EXOC4: variants seen among roughly 807,000 people sequenced by gnomAD.
EXOC4 encodes the protein exocyst complex component 4.
EXOC4 carries 71 observed loss-of-function variants against 107.2 expected under a neutral mutation model. That is an observed-to-expected ratio of 0.66 (90% CI 0.55 to 0.81). The LOEUF is 0.81. Ranked by LOEUF, EXOC4 falls within the 30% of genes least tolerant of loss-of-function variation. The pLI is 0.00. For synonymous variants in EXOC4, 456 were observed against 441.2 expected (o/e 1.03, Z -0.42); for missense variants, 1,108 against 1,189.6 (o/e 0.93, Z 1.01).
intron 9 of EXOC4, among the ~76,000 whole-genome samples, chr7:133,577,824 G>C (rs1014055906): frequency 1.3e-5 from 2 of 152,090 alleles, no homozygotes; most frequent in African/African-American, 4.8e-5. Flanking sequence ...TGGTAGTTTT[G>C]TTTGACATAT....
intron 1 of EXOC4, among the ~76,000 whole-genome samples, chr7:133,273,322 T>C (rs1793917971): frequency 6.6e-6 from 1 of 152,212 alleles, no homozygotes; most frequent in Non-Finnish European, 1.5e-5. Context: ...TTTACTTTAA[T>C]AGTCAAACAC....
chr7:133,850,683 C>T (rs375226318), intron 11 of EXOC4, among the ~76,000 whole-genome samples: 1 of 151,550 alleles, frequency 6.6e-6, no homozygotes, highest in South Asian at 2.1e-4. Context: ...TTATATCACT[C>T]CAACAGATGG....
chr7:133,516,159 T>C (rs560347620), intron 9 of EXOC4, among the ~76,000 whole-genome samples: 7 of 152,308 alleles, frequency 4.6e-5, no homozygotes, highest in African/African-American at 1.4e-4. Flanking sequence ...CTTTTTTGTT[T>C]TGTTATTTTG....
chr7:133,537,242 C>A (rs1800287836), intron 9 of EXOC4, among the ~76,000 whole-genome samples: 1 of 151,808 alleles, frequency 6.6e-6, no homozygotes, highest in Non-Finnish European at 1.5e-5. Context: ...CCTCCGCCTC[C>A]CAGGTTCAAG....
At chr7:133,505,578 T>C (rs1241218192) in intron 9 of EXOC4, among the ~76,000 whole-genome samples, 4 of 152,274 alleles carry the variant, frequency 2.6e-5, no homozygotes, top group African/African-American at 9.6e-5. Context: ...CTTCTCTTTG[T>C]ATATTATATG....
intron 9 of EXOC4, among the ~76,000 whole-genome samples, chr7:133,495,208 C>T (rs145529617): frequency 1.3e-5 from 2 of 151,718 alleles, no homozygotes; most frequent in South Asian, 2.1e-4. Context: ...GCTGAGATCA[C>T]GCCATTGCAC....
chr7:133,367,743 C>T (rs1051988530), intron 6 of EXOC4, among the ~76,000 whole-genome samples: 1 of 152,184 alleles, frequency 6.6e-6, no homozygotes, highest in Non-Finnish European at 1.5e-5. Flanking sequence ...GTAGTACCTT[C>T]CTTATAGGGC....
chr7:133,479,603 G>C (rs1799104924), intron 8 of EXOC4: 2 of 165,132 alleles, frequency 1.2e-5, no homozygotes, highest in African/African-American at 4.7e-5. Flanking sequence ...TCTACCTGTG[G>C]AAGTTAGGCA....
chr7:133,807,978 A>T (rs1443670751), intron 10 of EXOC4, among the ~76,000 whole-genome samples: 1 of 152,148 alleles, frequency 6.6e-6, no homozygotes, highest in Non-Finnish European at 1.5e-5. Context: ...CAAATTTTGT[A>T]GATAATATTC....
intron 17 of EXOC4, among the ~76,000 whole-genome samples, chr7:134,050,309 A>G (rs1168197017): frequency 2.6e-5 from 4 of 152,200 alleles, no homozygotes; most frequent in African/African-American, 9.6e-5. Context: ...CTTTATAAAT[A>G]TTAACTTGCT....
intron 7 of EXOC4, among the ~76,000 whole-genome samples, chr7:133,416,875 G>C (rs1216779644): frequency 1.3e-5 from 2 of 152,096 alleles, no homozygotes; most frequent in Non-Finnish European, 2.9e-5. Flanking sequence ...CCCTCCTGTT[G>C]GTAGGAAGAG....
intron 9 of EXOC4, among the ~76,000 whole-genome samples, chr7:133,531,699 G>C (rs1047879249): frequency 6.6e-6 from 1 of 152,066 alleles, no homozygotes; most frequent in Admixed American, 6.6e-5. Context: ...ATCCTCCTTG[G>C]ATTTGTGATT....
At chr7:133,513,099 C>T (rs920747158) in intron 9 of EXOC4, among the ~76,000 whole-genome samples, 5 of 152,208 alleles carry the variant, frequency 3.3e-5, no homozygotes, top group African/African-American at 1.2e-4. Flanking sequence ...AGCAAGACTT[C>T]ATCTCAAAAA....
chr7:133,669,516 G>A (rs1793898334), intron 10 of EXOC4, among the ~76,000 whole-genome samples: 2 of 152,172 alleles, frequency 1.3e-5, no homozygotes, highest in African/African-American at 4.8e-5. Flanking sequence ...GTTTAGAATG[G>A]AAACTTTTTA....
At chr7:133,268,178 A>G (rs576330002) in intron 1 of EXOC4, among the ~76,000 whole-genome samples, 13 of 152,354 alleles carry the variant, frequency 8.5e-5, no homozygotes, top group African/African-American at 2.4e-4. Flanking sequence ...AAACAGACCC[A>G]GAAAAGTTAA....
rs34768347 is a variant in EXOC4, at chr7:133,759,144, ATT to A, written c.1515-58164_1515-58163del. Among the ~76,000 whole-genome samples the A allele has an allele frequency of 1.3e-3, 182 of 140,632 alleles. 1 individual carries two copies. The highest frequency in any genetic ancestry group is 3.9e-3 in the African/African-American group (149 of 37,906). The allele number at this position is 140,632 out of a possible 152,430, so 92.3% of individuals were successfully genotyped here. On this transcript the variant is annotated intron_variant, in intron 10 of 17. Transcript: ENST00000253861. ...AACAAACAAACAAACCAACAAAAGA[ATT>A]TTTTTTTTTTTTTTTTGTTAGAGAT...
intron 7 of EXOC4, among the ~76,000 whole-genome samples, chr7:133,428,514 G>A (rs192831963): frequency 6.6e-6 from 1 of 152,218 alleles, no homozygotes; most frequent in Non-Finnish European, 1.5e-5. Flanking sequence ...ATTCTATTCT[G>A]TTCTATTCTG....
intron 3 of EXOC4, among the ~76,000 whole-genome samples, chr7:133,301,060 G>A (rs544233013): frequency 3.3e-5 from 5 of 152,262 alleles, no homozygotes; most frequent in Admixed American, 2.0e-4. Context: ...GACGTGAGTC[G>A]GAATCATTCC....
At chr7:133,256,666 T>C (rs958481575) in intron 1 of EXOC4, among the ~76,000 whole-genome samples, 2 of 152,240 alleles carry the variant, frequency 1.3e-5, no homozygotes, top group Non-Finnish European at 2.9e-5. Context: ...CTCAGATGTG[T>C]AAAAATGTAA....
Sources: allele counts gnomAD v4.1 joint callset (sites outside exome capture counted in the v4.1 genomes callset), GRCh38; gene constraint gnomAD v4.1.1; transcripts MANE v1.5; gene names NCBI Gene and HGNC (gene_info 2026-07-23, HGNC 2026-07-21).